The following DHTKD1 variants were observed in gnomAD, a reference collection of about 807,000 sequenced individuals.
DHTKD1 encodes the protein dehydrogenase E1 and transketolase domain containing 1.
A neutral mutation model predicts 101.8 loss-of-function variants in DHTKD1; 78 were observed. The ratio of observed to expected loss-of-function variants is 0.77; its 90% confidence interval spans 0.64 to 0.93. DHTKD1 has a LOEUF of 0.93. Ranked by LOEUF, DHTKD1 falls within the 40% of genes least tolerant of loss-of-function variation. The pLI is 0.00. For missense variants in DHTKD1, 1,223 were observed against 1,161.7 expected, an observed-to-expected ratio of 1.05 and a Z score of -0.77; for synonymous variants, 462 against 450.3, an observed-to-expected ratio of 1.03 and a Z score of -0.33.
chr10:12,076,353 G>A (rs2131347989), intron 1 of DHTKD1, among the ~76,000 whole-genome samples: 1 of 152,324 alleles, frequency 6.6e-6, no homozygotes, highest in South Asian at 2.1e-4. Context: ...GCACAGGCCT[G>A]TAGTCCCAGC....
At chr10:12,099,664 C>A (rs10795934) in intron 8 of DHTKD1, among the ~76,000 whole-genome samples, 1 of 152,022 alleles carries the variant, frequency 6.6e-6, no homozygotes, top group African/African-American at 2.4e-5. Context: ...CTCTAGCCTG[C>A]GTGACAGAGT....
intron 6 of DHTKD1, among the ~76,000 whole-genome samples, chr10:12,093,275 C>G (rs1833019668): frequency 6.6e-6 from 1 of 152,088 alleles, no homozygotes; most frequent in Admixed American, 6.6e-5. Context: ...AACTCCTGAC[C>G]TCAGGTAATT....
chr10:12,084,574 TGAG>T lies in DHTKD1; in HGVS notation c.348_350del (p.Glu117del). The T allele has an allele frequency of 6.2e-7, 1 of 1,613,106 alleles. No homozygotes were observed. The highest frequency in any genetic ancestry group is 8.5e-7 in the Non-Finnish European group (1 of 1,179,140). ...ACATGGGGAAGGAAGAGGCCTCACT[TGAG>T]GAAGTGTTAGTCTATCTCAATCAAA... On this transcript the variant is annotated inframe_deletion, in exon 3 of 17. Coordinates refer to ENST00000263035, the MANE Select transcript of DHTKD1 (RefSeq NM_018706.7).
In DHTKD1 at chr10:12,113,761, G is replaced by GA. The variant is rs941634616; in HGVS notation, c.2319+707dup. 4.5e-3 allele frequency among the ~76,000 whole-genome samples: 670 copies of GA among 149,456 alleles called. 7 individuals are homozygous for GA. Among genetic ancestry groups the GA allele is most frequent in the African/African-American group, 0.012 (490 of 40,918 alleles). On this transcript the variant is annotated intron_variant, in intron 13 of 16. Transcript: ENST00000263035. ...GGCAACATTGCAAGACCCCATCTCT[G>GA]AAAAAAAAAATTGGCCGGTGTGGTG...
At chr10:12,116,221 ACG>A (rs1376009662) in intron 13 of DHTKD1, 2 of 151,286 alleles carry the variant, frequency 1.3e-5, no homozygotes, top group African/African-American at 4.9e-5. Flanking sequence ...ATGAGCCACC[ACG>A]TCTGGCCTGA....
chr10:12,119,409 A>G (rs2131629645), intron 15 of DHTKD1, among the ~76,000 whole-genome samples: 1 of 151,248 alleles, frequency 6.6e-6, no homozygotes. Flanking sequence ...AGGTCAGGAG[A>G]TCAAGACCAT....
chr10:12,069,684 C>CTTTTTTTTTTT lies in DHTKD1; in HGVS notation c.154+513_154+523dup, dbSNP rs11292752. The stretch of plus-strand genomic sequence containing the variant: ...GACACAGAGGGATGACCACGCCCAG[C>CTTTTTTTTTTT]TTTTTTTTTTTTTTTTTTTTTTTTT... On this transcript the variant is annotated intron_variant, in intron 1 of 16. Coordinates refer to ENST00000263035, the MANE Select transcript of DHTKD1 (RefSeq NM_018706.7). Among the ~76,000 whole-genome samples the CTTTTTTTTTTT allele has an allele frequency of 1.6e-4, 4 of 25,478 alleles. 1 individual carries two copies. The highest frequency in any genetic ancestry group is 2.9e-4 in the Non-Finnish European group (4 of 14,028). The allele number at this position is 25,478 out of a possible 152,430, so 16.7% of individuals were successfully genotyped here.
In DHTKD1 at chr10:12,097,912, C is replaced by T. The variant is rs372566012; in HGVS notation, c.1587C>T (p.Asp529=). 3.1e-6 allele frequency: 5 copies of T among 1,614,080 alleles called. No homozygotes were observed. In the African/African-American group the frequency reaches 6.7e-5, roughly 22 times the overall value. Residue 529 remains aspartate, a synonymous_variant, in exon 8 of 17, where the codon GAC becomes GAT. Transcript: ENST00000263035. ...CCTGGAGTACAGGTGTGCCCCTCGA[C>T]CTCCTGCGGTTTGTTGGCATGAAGT... is the stretch of plus-strand genomic sequence containing the variant. The part of the protein sequence containing the change: ...ITTWSTGVPL[D]LLRFVGMKSV...
chr10:12,092,755 A>G (rs61844351), intron 6 of DHTKD1, among the ~76,000 whole-genome samples: 72,633 of 151,612 alleles, frequency 0.48, 19,324 homozygotes, highest in South Asian at 0.72. Flanking sequence ...GTGAGCCAAG[A>G]TCAGGCCATT....
chr10:12,072,822 T>C (rs572656529), intron 1 of DHTKD1, among the ~76,000 whole-genome samples: 1 of 151,988 alleles, frequency 6.6e-6, no homozygotes, highest in South Asian at 2.1e-4. Context: ...CCACAACCTC[T>C]GCCTCCTGGG....
chr10:12,071,759 C>T (rs1283110205), intron 1 of DHTKD1, among the ~76,000 whole-genome samples: 2 of 152,132 alleles, frequency 1.3e-5, no homozygotes, highest in African/African-American at 4.8e-5. Context: ...AACTCCTGTC[C>T]TCAGGTGAAA....
At chr10:12,106,478 G>A in intron 11 of DHTKD1, 82 bp downstream of exon 11, 4 of 1,555,170 alleles carry the variant, frequency 2.6e-6, no homozygotes, top group East Asian at 4.5e-5. Context: ...ATGAAAAGGG[G>A]CCACTGCTGC....
chr10:12,093,468 C>G (rs1833022728), intron 6 of DHTKD1, among the ~76,000 whole-genome samples: 1 of 152,182 alleles, frequency 6.6e-6, no homozygotes, highest in Admixed American at 6.6e-5. Flanking sequence ...CAGGCGTGAA[C>G]CACTGTGCCA....
Position 12,084,770 on chromosome 10 carries a change from G to C in DHTKD1, c.522+19G>C. On this transcript the variant is annotated intron_variant, in intron 3 of 16. Coordinates refer to ENST00000263035, the MANE Select transcript of DHTKD1 (RefSeq NM_018706.7). ...ATCTCAGGTAAAAAGGAGCATCTAG[G>C]CCGGGCACGGTGGCTCATGCCTGTA... The C allele has an allele frequency of 6.2e-7, 1 of 1,611,270 alleles. No individual in the cohort carries two copies. The highest frequency in any genetic ancestry group is 8.5e-7 in the Non-Finnish European group (1 of 1,178,108).
At chr10:12,106,522 G>C (rs1418626708) in intron 11 of DHTKD1, 126 bp downstream of exon 11, 1 of 1,205,552 alleles carries the variant, frequency 8.3e-7, no homozygotes, top group Non-Finnish European at 1.2e-6. Context: ...CGCCTCCAGG[G>C]AGTTGGGGTC....
At chr10:12,078,333 G>A (rs1246110690) in intron 1 of DHTKD1, among the ~76,000 whole-genome samples, 1 of 152,046 alleles carries the variant, frequency 6.6e-6, no homozygotes, top group African/African-American at 2.4e-5. Context: ...ACTGAGATGG[G>A]AGAATTGCCT....
Position 12,099,644 on chromosome 10 carries a change from C to T in DHTKD1, c.1672-534C>T, listed in dbSNP as rs868624173. On this transcript the variant is annotated intron_variant, in intron 8 of 16. Transcript: ENST00000263035. ...CTGAGGTTGCAATCAGCCAAGATCA[C>T]GCCACTGCACTCTAGCCTGCGTGAC... is the stretch of plus-strand genomic sequence containing the variant. Among the ~76,000 whole-genome samples the T allele has an allele frequency of 4.6e-5, 7 of 152,124 alleles. No individual in the cohort carries two copies. The Middle Eastern group carries it at 0.014, about 296-fold the overall frequency.
intron 7 of DHTKD1, 105 bp from the exon 8 acceptor site, chr10:12,097,579 C>T: frequency 9.5e-7 from 1 of 1,050,178 alleles, no homozygotes; most frequent in South Asian, 1.6e-5. Flanking sequence ...TGTCGAATGC[C>T]TTTTTAGAGT....
At chr10:12,084,217 C>T (rs1002743748) in intron 2 of DHTKD1, among the ~76,000 whole-genome samples, 10 of 152,076 alleles carry the variant, frequency 6.6e-5, no homozygotes, top group Non-Finnish European at 1.0e-4. Context: ...CCACGGCACC[C>T]GGCCAATAAT....
Sources: gnomAD v4.1 joint callset for allele counts (sites outside exome capture counted in the v4.1 genomes callset) on GRCh38, gnomAD v4.1.1 for gene constraint, MANE v1.5 for transcripts, NCBI Gene and HGNC (gene_info 2026-07-23, HGNC 2026-07-21) for gene names.